GRIN3A: variants seen among roughly 807,000 people sequenced by gnomAD.
The protein encoded by GRIN3A is glutamate receptor ionotropic, NMDA 3A.
Under a neutral mutation model 92.4 loss-of-function variants are expected in GRIN3A, and 47 were observed. That is an observed-to-expected ratio of 0.51 (90% CI 0.40 to 0.65). The LOEUF (loss-of-function observed/expected upper bound fraction) is 0.65, where lower values mean the gene tolerates loss of function less well. Ranked by LOEUF, GRIN3A falls within the 30% of genes least tolerant of loss-of-function variation. GRIN3A has a pLI of 0.00. For missense variants in GRIN3A, 1,324 were observed against 1,393.1 expected, an observed-to-expected ratio of 0.95 and a Z score of 0.79; for synonymous variants, 527 against 540.6, an observed-to-expected ratio of 0.97 and a Z score of 0.35.
chr9:101,701,051 AC>A (rs1201058373), intron 1 of GRIN3A, among the ~76,000 whole-genome samples: 1 of 152,174 alleles, frequency 6.6e-6, no homozygotes, highest in African/African-American at 2.4e-5. Context: ...GGAAACATGG[AC>A]AACTACCGCG....
chr9:101,640,832 C>T (rs937561098), intron 3 of GRIN3A, among the ~76,000 whole-genome samples: 1 of 151,338 alleles, frequency 6.6e-6, no homozygotes, highest in Non-Finnish European at 1.5e-5. Context: ...TCCTCCTTGC[C>T]TTCCACCATG....
chr9:101,632,113 A>G (rs915173263), intron 3 of GRIN3A, among the ~76,000 whole-genome samples: 2 of 152,028 alleles, frequency 1.3e-5, no homozygotes, highest in Non-Finnish European at 2.9e-5. Context: ...CATTTCCAAA[A>G]CAAACATTTT....
At chr9:101,637,571 T>C (rs932962819) in intron 3 of GRIN3A, among the ~76,000 whole-genome samples, 1 of 152,200 alleles carries the variant, frequency 6.6e-6, no homozygotes, top group Admixed American at 6.5e-5. Context: ...ATTAAATATT[T>C]CCCATTTATT....
intron 3 of GRIN3A, among the ~76,000 whole-genome samples, chr9:101,659,643 A>G (rs1829143695): frequency 6.6e-6 from 1 of 151,696 alleles, no homozygotes; most frequent in African/African-American, 2.4e-5. Context: ...GAAGGTTAAT[A>G]ACGTAAACAA....
Position 101,671,099 on chromosome 9 carries a change from G to C in GRIN3A, c.1313C>G (p.Ala438Gly). 6.2e-7 allele frequency: 1 copy of C among 1,612,582 alleles called. No homozygotes were observed. The highest frequency in any genetic ancestry group is 8.5e-7 in the Non-Finnish European group (1 of 1,178,654). The change falls in exon 3 of 9, where the codon GCC (alanine) becomes GGC (glycine). Residue 438 changes from alanine (A) to glycine (G), a missense_variant. Physicochemically the swap from Ala to Gly is moderately conservative, Grantham distance 60. Transcript: ENST00000361820. The part of the protein sequence containing the change: ...TSGQYLSRFL[A>G]NTTFRGLSGS... ...ACTGAGGCCTCTGAAAGTGGTATTGGCTAGAAACCTGGGAAAGAGGAGCAA... is the reference window on the plus strand; with the variant it reads ...ACTGAGGCCTCTGAAAGTGGTATTGCCTAGAAACCTGGGAAAGAGGAGCAA...
At chr9:101,618,040 A>G (rs1828490167) in intron 5 of GRIN3A, among the ~76,000 whole-genome samples, 1 of 152,110 alleles carries the variant, frequency 6.6e-6, no homozygotes, top group Admixed American at 6.5e-5. Flanking sequence ...AATCAATTCA[A>G]GATGGATTAA....
chr9:101,675,640 A>G (rs1467423201), intron 2 of GRIN3A, among the ~76,000 whole-genome samples: 4 of 150,546 alleles, frequency 2.7e-5, no homozygotes, highest in Non-Finnish European at 4.4e-5. Context: ...TAGGATTTAG[A>G]CCTGGCACAA....
intron 1 of GRIN3A, among the ~76,000 whole-genome samples, chr9:101,735,602 G>T (rs1830192129): frequency 6.6e-6 from 1 of 151,866 alleles, no homozygotes; most frequent in Non-Finnish European, 1.5e-5. Flanking sequence ...ATGAAAAGGA[G>T]TCTGGAGACT....
At chr9:101,655,054 A>G (rs1262473253) in intron 3 of GRIN3A, among the ~76,000 whole-genome samples, 1 of 151,950 alleles carries the variant, frequency 6.6e-6, no homozygotes, top group African/African-American at 2.4e-5. Context: ...CAATATGACT[A>G]GGCATTCAAT....
chr9:101,619,673 ATT>A (rs1471381364), intron 5 of GRIN3A, among the ~76,000 whole-genome samples: 1 of 152,214 alleles, frequency 6.6e-6, no homozygotes, highest in Non-Finnish European at 1.5e-5. Context: ...TGTTCCAAGC[ATT>A]GCATTAAATA....
Position 101,616,983 on chromosome 9 carries a change from G to A in GRIN3A, c.2615-3456C>T, listed in dbSNP as rs28438526. 8.8e-3 allele frequency among the ~76,000 whole-genome samples: 1,334 copies of A among 150,836 alleles called. 23 individuals are homozygous for A. The highest frequency in any genetic ancestry group is 0.031 in the African/African-American group (1,278 of 40,868). On this transcript the variant is annotated intron_variant, in intron 5 of 8. Transcript: ENST00000361820. Reference sequence around the variant, plus strand: ...TGGGAGGCCAAGGTGGCCGGATCACGAGATCAGGAGATGGAGACCATCCTG... The same window carrying A: ...TGGGAGGCCAAGGTGGCCGGATCACAAGATCAGGAGATGGAGACCATCCTG...
At chr9:101,586,869 A>G (rs770021695) in intron 6 of GRIN3A, among the ~76,000 whole-genome samples, 11 of 152,144 alleles carry the variant, frequency 7.2e-5, no homozygotes, top group African/African-American at 1.4e-4. Flanking sequence ...GTCATTTCCA[A>G]TGTCAGTGCC....
intron 6 of GRIN3A, among the ~76,000 whole-genome samples, chr9:101,598,398 A>AATTATTATCCCAT (rs1828167969): frequency 6.6e-6 from 1 of 152,162 alleles, no homozygotes; most frequent in Non-Finnish European, 1.5e-5. Context: ...TATTATCCCA[A>AATTATTATCCCAT]TTGAATTAAT....
At chr9:101,642,421 T>A (rs906872973) in intron 3 of GRIN3A, among the ~76,000 whole-genome samples, 2 of 152,144 alleles carry the variant, frequency 1.3e-5, no homozygotes, top group African/African-American at 2.4e-5. Flanking sequence ...GTGTTGGCAA[T>A]GACTTTATGA....
chr9:101,589,207 A>G (rs951834590), intron 6 of GRIN3A, among the ~76,000 whole-genome samples: 43 of 152,298 alleles, frequency 2.8e-4, no homozygotes, highest in Admixed American at 2.6e-3. Context: ...TCCTGACCTC[A>G]AGCGATCCAC....
intron 1 of GRIN3A, among the ~76,000 whole-genome samples, chr9:101,708,761 C>G (rs991507304): frequency 6.6e-6 from 1 of 152,164 alleles, no homozygotes; most frequent in South Asian, 2.1e-4. Context: ...GATGAGTGAG[C>G]ATCTACCTTT....
chr9:101,677,035 T>C (rs541380091), intron 2 of GRIN3A, among the ~76,000 whole-genome samples: 37 of 152,022 alleles, frequency 2.4e-4, no homozygotes, highest in Non-Finnish European at 3.7e-4. Flanking sequence ...TTTTTTTTTT[T>C]CTGCTCTTTT....
chr9:101,591,787 C>G (rs1466058276), intron 6 of GRIN3A: 1 of 152,142 alleles, frequency 6.6e-6, no homozygotes, highest in Non-Finnish European at 1.5e-5. Flanking sequence ...CAGATACAGG[C>G]TCTCAGTTCA....
intron 5 of GRIN3A, among the ~76,000 whole-genome samples, chr9:101,616,854 C>T (rs1307014410): frequency 2.2e-5 from 3 of 137,516 alleles, no homozygotes; most frequent in Admixed American, 7.6e-5. Flanking sequence ...AACTAACCTG[C>T]ACAATGTGCA....
Sources: gnomAD v4.1 joint callset for allele counts (sites outside exome capture counted in the v4.1 genomes callset) on GRCh38, gnomAD v4.1.1 for gene constraint, MANE v1.5 for transcripts, NCBI Gene and HGNC (gene_info 2026-07-23, HGNC 2026-07-21) for gene names.